The following CMC1 variants were observed in gnomAD, a reference collection of about 807,000 sequenced individuals.
The protein encoded by CMC1 is COX assembly mitochondrial protein homolog.
A neutral mutation model predicts 14.1 loss-of-function variants in CMC1; 14 were observed. That is an observed-to-expected ratio of 0.99 (90% CI 0.66 to 1.55). CMC1 has a LOEUF of 1.55. Ranked by LOEUF, CMC1 falls within the 40% of genes most tolerant of loss-of-function variation. The pLI, the probability that CMC1 is intolerant of heterozygous loss-of-function variation, is 0.00. For missense variants in CMC1, 127 were observed against 123.8 expected, an observed-to-expected ratio of 1.03 and a Z score of -0.12; for synonymous variants, 50 against 38.4, an observed-to-expected ratio of 1.30 and a Z score of -1.12.
At chr3:28,318,739 TTTGGC>T (rs1332880708) in intron 3 of CMC1, 1 of 153,358 alleles carries the variant, frequency 6.5e-6, no homozygotes, top group Non-Finnish European at 1.5e-5. Context: ...CAGCTCCTCC[TTTGGC>T]CTGCGCCTTC....
intron 1 of CMC1, among the ~76,000 whole-genome samples, chr3:28,257,931 A>G (rs1295156187): frequency 2.0e-5 from 3 of 152,014 alleles, no homozygotes; most frequent in Non-Finnish European, 2.9e-5. Flanking sequence ...AAGATATGAA[A>G]GTTGCAGATG....
rs1389850080 is a variant in CMC1, at chr3:28,319,692, A to G, written c.*63A>G. 3.0e-6 allele frequency: 4 copies of G among 1,319,044 alleles called. No homozygotes were observed. Among genetic ancestry groups the G allele is most frequent in the Non-Finnish European group, 3.1e-6 (3 of 952,632 alleles). The allele number at this position is 1,319,044 out of a possible 1,614,324, so 81.7% of individuals were successfully genotyped here. On this transcript the variant is annotated 3_prime_UTR_variant, in exon 4 of 4. Transcript: ENST00000466830. ...ATGGAAGTCATTTTATAGTCCTTAA[A>G]TAATGGACTCAAGCATATATGTTTG... is the stretch of plus-strand genomic sequence containing the variant.
chr3:28,304,868 C>T (rs539036188), intron 2 of CMC1, among the ~76,000 whole-genome samples: 14 of 152,236 alleles, frequency 9.2e-5, no homozygotes, highest in African/African-American at 3.1e-4. Context: ...GGAACATAAT[C>T]TATTTTAAAG....
At chr3:28,257,198 T>C (rs1699458074) in intron 1 of CMC1, among the ~76,000 whole-genome samples, 1 of 152,212 alleles carries the variant, frequency 6.6e-6, no homozygotes, top group South Asian at 2.1e-4. Flanking sequence ...TTTACAGATC[T>C]TAAATGAGTT....
rs1480857657 is a variant in CMC1 at position 28,298,695 on chromosome 3, A to AT, written c.110-17635dup. Among the ~76,000 whole-genome samples the AT allele has an allele frequency of 2.0e-5, 3 of 151,958 alleles. No homozygotes were observed. The East Asian group carries it at 5.8e-4, about 29-fold the overall frequency. On this transcript the variant is annotated intron_variant, in intron 2 of 3. Coordinates refer to ENST00000466830, the MANE Select transcript of CMC1 (RefSeq NM_182523.2). The stretch of plus-strand genomic sequence containing the variant: ...AATAATTTACTCTTCTTTATCTTAA[A>AT]TTTGAAGAGAATTAAGAAATAAAAG...
intron 2 of CMC1, among the ~76,000 whole-genome samples, chr3:28,294,723 A>C (rs960668329): frequency 2.0e-5 from 3 of 152,018 alleles, no homozygotes; most frequent in East Asian, 3.9e-4. Flanking sequence ...GTGGTTCTTT[A>C]TTTTTTCCAT....
At chr3:28,319,414 T>A in intron 3 of CMC1, 95 bp from the exon 4 acceptor site, 1 of 1,106,472 alleles carries the variant, frequency 9.0e-7, no homozygotes, top group Non-Finnish European at 1.4e-6. Context: ...TTGAGCCTGA[T>A]GAACCAGATG....
In CMC1 at chr3:28,323,934, T is replaced by C. The variant is rs1703278338; in HGVS notation, c.*4305T>C. The C allele has an allele frequency of 3.0e-6, 4 of 1,315,656 alleles. No individual in the cohort carries two copies. The highest frequency in any genetic ancestry group is 3.1e-6 in the Non-Finnish European group (3 of 956,346). 81.5% of individuals were successfully genotyped at this position (1,315,656 alleles called of 1,614,324 possible). ...TGTTCAAATATAGATACTGAAGACC[T>C]CTGCAAAATTTTAATCAAAATCTCC... On this transcript the variant is annotated 3_prime_UTR_variant, in exon 4 of 4. Transcript: ENST00000466830.
At chr3:28,284,289 A>G (rs1701055265) in intron 2 of CMC1, among the ~76,000 whole-genome samples, 1 of 152,032 alleles carries the variant, frequency 6.6e-6, no homozygotes, top group South Asian at 2.1e-4. Flanking sequence ...TTTTTCTTTC[A>G]TATCTTCCCT....
rs2125625025 is a variant in CMC1 at position 28,320,843 on chromosome 3, T to TAAC, written c.*1215_*1217dup. ...AAGTTATTTTTTCCCCATGAGCTGT[T>TAAC]AACTCTTCCACAGCCATTGTAACTA... On this transcript the variant is annotated 3_prime_UTR_variant, in exon 4 of 4. Transcript: ENST00000466830. 6.6e-6 allele frequency: 1 copy of TAAC among 151,570 alleles called. No individual in the cohort carries two copies. The highest frequency in any genetic ancestry group is 2.1e-4 in the South Asian group (1 of 4,818). The allele number at this position is 151,570 out of a possible 1,614,324, so 9.4% of individuals were successfully genotyped here. A position where few individuals can be genotyped will look rare whatever the true frequency, so the allele number is the denominator to read the frequency against.
chr3:28,277,638 A>G (rs1234709760), intron 2 of CMC1, among the ~76,000 whole-genome samples: 1 of 152,214 alleles, frequency 6.6e-6, no homozygotes, highest in Non-Finnish European at 1.5e-5. Flanking sequence ...TATAGGTCTC[A>G]CTGAGAAAGT....
chr3:28,279,380 C>T (rs965436544), intron 2 of CMC1, among the ~76,000 whole-genome samples: 2 of 152,014 alleles, frequency 1.3e-5, no homozygotes, highest in African/African-American at 4.8e-5. Context: ...AAAACAGAAC[C>T]CAAACTTTCT....
intron 2 of CMC1, among the ~76,000 whole-genome samples, chr3:28,278,936 C>CATTA (rs1237629040): frequency 1.3e-5 from 2 of 152,118 alleles, no homozygotes; most frequent in African/African-American, 4.8e-5. Flanking sequence ...GAAAGAATGT[C>CATTA]ATTAGATCAA....
At chr3:28,245,733 A>T (rs1433867638) in intron 1 of CMC1, among the ~76,000 whole-genome samples, 1 of 152,008 alleles carries the variant, frequency 6.6e-6, no homozygotes, top group African/African-American at 2.4e-5. Flanking sequence ...TTAATTATGG[A>T]TGTTCTTGGA....
At chr3:28,298,962 T>C (rs544348459) in intron 2 of CMC1, among the ~76,000 whole-genome samples, 2 of 152,220 alleles carry the variant, frequency 1.3e-5, no homozygotes, top group African/African-American at 4.8e-5. Flanking sequence ...CTTACAAATA[T>C]CTGTGCCTGA....
rs1703270835 is a variant in CMC1, at chr3:28,323,773, CAG to C, written c.*4147_*4148del. 1.5e-5 allele frequency: 4 copies of C among 261,078 alleles called. No homozygotes were observed. Among genetic ancestry groups the C allele is most frequent in the South Asian group, 3.1e-4 (2 of 6,410 alleles). 16.2% of individuals were successfully genotyped at this position (261,078 alleles called of 1,614,324 possible). A position where few individuals can be genotyped will look rare whatever the true frequency, so the allele number is the denominator to read the frequency against. ...AAAATTTTACAATTAATATAGAAGG[CAG>C]AGTTTTTTAAACACCTTAAGTTTAC... On this transcript the variant is annotated 3_prime_UTR_variant, in exon 4 of 4. Transcript: ENST00000466830.
intron 1 of CMC1, 39 bp from the exon 2 acceptor site, chr3:28,263,252 G>C: frequency 6.9e-7 from 1 of 1,441,770 alleles, no homozygotes. Flanking sequence ...CTGGTGATTT[G>C]CTTGAGACTT....
At chr3:28,253,414 A>C (rs917117179) in intron 1 of CMC1, among the ~76,000 whole-genome samples, 1 of 152,068 alleles carries the variant, frequency 6.6e-6, no homozygotes, top group Admixed American at 6.6e-5. Flanking sequence ...CCATCTCTAT[A>C]AAGTACACAT....
At chr3:28,247,608 G>C (rs35678778) in intron 1 of CMC1, among the ~76,000 whole-genome samples, 30,168 of 152,180 alleles carry the variant, frequency 0.2, 3,321 homozygotes, top group Middle Eastern at 0.27. Flanking sequence ...ATTCTCTGCT[G>C]CAGGAGGGAT....
Sources: gnomAD v4.1 joint callset for allele counts (sites outside exome capture counted in the v4.1 genomes callset) on GRCh38, gnomAD v4.1.1 for gene constraint, MANE v1.5 for transcripts, NCBI Gene and HGNC (gene_info 2026-07-23, HGNC 2026-07-21) for gene names.